The following CAB39L variants were observed in gnomAD, a reference collection of about 807,000 sequenced individuals.
CAB39L encodes the protein calcium-binding protein 39-like.
A neutral mutation model predicts 39.1 loss-of-function variants in CAB39L; 23 were observed. The observed-to-expected ratio is 0.59, with a 90% CI of 0.42 to 0.83. The LOEUF (loss-of-function observed/expected upper bound fraction) is 0.83. Ranked by LOEUF, CAB39L falls within the 40% of genes least tolerant of loss-of-function variation. The probability of loss-of-function intolerance (pLI) is 0.00; values close to 1 mark genes in which losing one functional copy is unlikely to be tolerated. For synonymous variants in CAB39L, 126 were observed against 137.2 expected (o/e 0.92, Z 0.57); for missense variants, 366 against 391.9 (o/e 0.93, Z 0.56).
chr13:49,316,274 T>G (rs561343484), intron 10 of CAB39L, among the ~76,000 whole-genome samples: 2 of 152,124 alleles, frequency 1.3e-5, no homozygotes, highest in African/African-American at 4.8e-5. Flanking sequence ...ACATGCAGAC[T>G]ACCCAACTGA....
chr13:49,358,680 T>C (rs1377010499), intron 6 of CAB39L, among the ~76,000 whole-genome samples: 4 of 151,856 alleles, frequency 2.6e-5, no homozygotes, highest in African/African-American at 9.7e-5. Flanking sequence ...GGCCAAATAG[T>C]GAAAACCTGT....
intron 7 of CAB39L, among the ~76,000 whole-genome samples, chr13:49,346,100 G>GAGAGATATATATATATATATATATAT (rs1555254610): frequency 1.6e-4 from 5 of 30,946 alleles, no homozygotes; most frequent in African/African-American, 4.2e-4. Flanking sequence ...ATATATGCTA[G>GAGAGATATATATATATATATATATAT]ATATATATAT....
chr13:49,420,661 T>A (rs1419387903), intron 3 of CAB39L, among the ~76,000 whole-genome samples: 1 of 152,212 alleles, frequency 6.6e-6, no homozygotes, highest in Non-Finnish European at 1.5e-5. Context: ...CCAAAAGCCA[T>A]GTACATTATG....
In CAB39L at chr13:49,390,371, C is replaced by T. The variant is rs533540352; in HGVS notation, c.-31-7430G>A. 2.6e-5 allele frequency among the ~76,000 whole-genome samples: 4 copies of T among 152,334 alleles called. No homozygotes were observed. The East Asian group carries it at 7.7e-4, about 29-fold the overall frequency. On this transcript the variant is annotated intron_variant, in intron 3 of 10. Transcript: ENST00000409308. ...AAGTGATCCTCCCACCTCAGCCTTA[C>T]AAAGTCCTGGGATAATAGGCGTGAG...
chr13:49,311,078 A>T, intron 10 of CAB39L, 85 bp from the exon 11 acceptor site: 1 of 1,230,300 alleles, frequency 8.1e-7, no homozygotes, highest in Non-Finnish European at 1.2e-6. Flanking sequence ...GACCTCACCC[A>T]CACTACTCGC....
chr13:49,331,396 G>T lies in CAB39L; in HGVS notation c.834+551C>A, dbSNP rs997515740. On this transcript the variant is annotated intron_variant, in intron 10 of 10. Transcript: ENST00000409308. Reference sequence around the variant, plus strand: ...GAGGAGAATCGCTTTAACCTGGGAGGCAGAGGTTGCAGTGAGCCGAGATCG... The same window carrying T: ...GAGGAGAATCGCTTTAACCTGGGAGTCAGAGGTTGCAGTGAGCCGAGATCG... Among the ~76,000 whole-genome samples, 4 of 152,000 alleles carry T rather than the reference G, an allele frequency of 2.6e-5. No individual in the cohort carries two copies. The East Asian group carries it at 7.7e-4, about 29-fold the overall frequency.
chr13:49,335,268 ACACT>A (rs987726021), intron 9 of CAB39L, among the ~76,000 whole-genome samples: 3 of 152,194 alleles, frequency 2.0e-5, no homozygotes, highest in African/African-American at 7.2e-5. Flanking sequence ...TTACACACAC[ACACT>A]CAATAAACAT....
At position 49,400,473 on chromosome 13, in the gene CAB39L, CACACAT is replaced by C. The variant is rs780614423; in HGVS notation, c.-31-17538_-31-17533del. The stretch of plus-strand genomic sequence containing the variant: ...ACACACACACACACACACACACACA[CACACAT>C]GGTTATATTAGCTCTTCAACAGAAT... On this transcript the variant is annotated intron_variant, in intron 3 of 10. Transcript: ENST00000409308. 1.8e-3 allele frequency among the ~76,000 whole-genome samples: 255 copies of C among 143,906 alleles called. 1 individual carries two copies. The highest frequency in any genetic ancestry group is 7.5e-3 in the Middle Eastern group (2 of 266). 94.4% of individuals were successfully genotyped at this position (143,906 alleles called of 152,430 possible). A position where few individuals can be genotyped will look rare whatever the true frequency, so the allele number is the denominator to read the frequency against.
intron 3 of CAB39L, among the ~76,000 whole-genome samples, chr13:49,397,641 C>T (rs898984582): frequency 6.6e-6 from 1 of 152,116 alleles, no homozygotes; most frequent in Middle Eastern, 3.4e-3. Flanking sequence ...TTATTCATTA[C>T]GTTCACACTG....
rs1403092769 is a variant in CAB39L at position 49,434,191 on chromosome 13, G to T, written c.-213C>A. 1 of 455,446 alleles carries T rather than the reference G, an allele frequency of 2.2e-6. No homozygotes were observed. Among genetic ancestry groups the T allele is most frequent in the East Asian group, 7.0e-5 (1 of 14,318 alleles). 28.2% of individuals were successfully genotyped at this position (455,446 alleles called of 1,614,324 possible). On this transcript the variant is annotated 5_prime_UTR_variant, in exon 2 of 11. Transcript: ENST00000409308. ...CAGCAACTTAGAACACTTTGCTCCT[G>T]ATATTCTTTCTTCTCAATATTTGAT...
At chr13:49,424,379 GC>G (rs545808332) in intron 3 of CAB39L, among the ~76,000 whole-genome samples, 4 of 152,264 alleles carry the variant, frequency 2.6e-5, no homozygotes, top group African/African-American at 9.6e-5. Flanking sequence ...CTTTTACAAA[GC>G]ACTTAACCAA....
chr13:49,353,240 C>T (rs1955404711), intron 6 of CAB39L, among the ~76,000 whole-genome samples: 1 of 152,128 alleles, frequency 6.6e-6, no homozygotes, highest in South Asian at 2.1e-4. Context: ...CCTATTGGCT[C>T]ACAAGGAACA....
chr13:49,331,327 G>A (rs1314490380), intron 10 of CAB39L, among the ~76,000 whole-genome samples: 6 of 151,980 alleles, frequency 3.9e-5, no homozygotes, highest in African/African-American at 1.5e-4. Context: ...TTAGCCAGGA[G>A]TGGTGGCACA....
chr13:49,332,972 T>G (rs1954753693), intron 9 of CAB39L, among the ~76,000 whole-genome samples: 1 of 152,114 alleles, frequency 6.6e-6, no homozygotes, highest in Admixed American at 6.5e-5. Context: ...ATTACATGGT[T>G]ACAGAAATCC....
chr13:49,418,245 T>A (rs899933704), intron 3 of CAB39L, among the ~76,000 whole-genome samples: 1 of 152,120 alleles, frequency 6.6e-6, no homozygotes, highest in Non-Finnish European at 1.5e-5. Flanking sequence ...TAATACAATA[T>A]GGGTGAAAAC....
chr13:49,392,824 G>T (rs1956517587), intron 3 of CAB39L, among the ~76,000 whole-genome samples: 1 of 151,864 alleles, frequency 6.6e-6, no homozygotes, highest in Non-Finnish European at 1.5e-5. Context: ...CAAAAGCTGT[G>T]TTTACAAAAC....
intron 3 of CAB39L, among the ~76,000 whole-genome samples, chr13:49,400,443 A>AACACAC (rs60080189): frequency 4.5e-4 from 62 of 138,610 alleles, no homozygotes; most frequent in East Asian, 1.2e-3. Flanking sequence ...TACAAACACA[A>AACACAC]ACACACACAC....
At chr13:49,388,833 G>T (rs759303737) in intron 3 of CAB39L, among the ~76,000 whole-genome samples, 2 of 152,118 alleles carry the variant, frequency 1.3e-5, no homozygotes, top group Non-Finnish European at 2.9e-5. Flanking sequence ...AATAATGATA[G>T]AAGTAGAAAT....
intron 3 of CAB39L, among the ~76,000 whole-genome samples, chr13:49,383,305 A>G (rs538665881): frequency 1.2e-3 from 181 of 152,098 alleles, no homozygotes; most frequent in Non-Finnish European, 2.1e-3. Context: ...TATGTATTCT[A>G]TAATGCTTAG....
Sources: allele counts gnomAD v4.1 joint callset (sites outside exome capture counted in the v4.1 genomes callset), GRCh38; gene constraint gnomAD v4.1.1; transcripts MANE v1.5; gene names NCBI Gene and HGNC (gene_info 2026-07-23, HGNC 2026-07-21).